The following COL11A1 variants were observed in gnomAD, a reference collection of about 807,000 sequenced individuals.
The protein encoded by COL11A1 is collagen type XI alpha 1 chain.
COL11A1 carries 74 observed loss-of-function variants against 265.2 expected under a neutral mutation model. That is an observed-to-expected ratio of 0.28 (90% CI 0.23 to 0.34). The LOEUF (loss-of-function observed/expected upper bound fraction) is 0.34. Ranked by LOEUF, COL11A1 falls within the 10% of genes least tolerant of loss-of-function variation. The pLI is 1.00. For missense variants in COL11A1, 2,165 were observed against 2,263.6 expected (o/e 0.96, Z 0.88); for synonymous variants, 816 against 727.6 (o/e 1.12, Z -1.96).
At chr1:102,891,513 GT>G in intron 57 of COL11A1, among the ~76,000 whole-genome samples, 1 of 151,824 alleles carries the variant, frequency 6.6e-6, no homozygotes, top group Non-Finnish European at 1.5e-5. Context: ...AACCAACTCT[GT>G]CCTGCCCCCC....
chr1:103,021,723 G>C lies in COL11A1; in HGVS notation c.1292C>G (p.Pro431Arg). The C allele has an allele frequency of 6.2e-7, 1 of 1,612,348 alleles. No individual in the cohort carries two copies. Among genetic ancestry groups the C allele is most frequent in the Non-Finnish European group, 8.5e-7 (1 of 1,178,542 alleles). Residue 431 changes from proline (P) to arginine (R), a missense_variant, in exon 9 of 67, where the codon CCA (proline) becomes CGA (arginine). Transcript: ENST00000370096. ...ACTACTTACAGGCTCAACCACTGCT[G>C]GTTCTCCTTTCTGTCCTTTCTCTCC... is the stretch of plus-strand genomic sequence containing the variant. ...AYGEKGQKGE[P>R]AVVEPGMLVE...
At chr1:103,012,664 T>C (rs1666225634) in intron 13 of COL11A1, among the ~76,000 whole-genome samples, 195 bp from the exon 14 acceptor site, 1 of 152,094 alleles carries the variant, frequency 6.6e-6, no homozygotes, top group South Asian at 2.1e-4. Context: ...ATCAGACATT[T>C]TAAAAACTTT....
chr1:102,951,342 TTAAA>T (rs1659852844), intron 41 of COL11A1, among the ~76,000 whole-genome samples: 2 of 152,194 alleles, frequency 1.3e-5, no homozygotes, highest in South Asian at 2.1e-4. Context: ...ACTGTATGCA[TTAAA>T]TAACTATAAT....
chr1:103,064,689 C>CA (rs35774967), intron 4 of COL11A1, among the ~76,000 whole-genome samples: 4,194 of 42,214 alleles, frequency 0.099, 95 homozygotes, highest in Middle Eastern at 0.24. Context: ...GACTCCATCT[C>CA]AAAAAAAAAA....
intron 46 of COL11A1, among the ~76,000 whole-genome samples, chr1:102,931,819 T>A (rs1014131655): frequency 4.6e-5 from 7 of 151,718 alleles, no homozygotes; most frequent in Admixed American, 3.3e-4. Context: ...GCTCTTCTTG[T>A]TGAATTGATC....
At chr1:102,986,860 G>C (rs935795124) in intron 30 of COL11A1, among the ~76,000 whole-genome samples, 33 of 151,938 alleles carry the variant, frequency 2.2e-4, no homozygotes, top group Admixed American at 2.0e-3. Flanking sequence ...AATTATCTGG[G>C]GATGTTTTAA....
intron 4 of COL11A1, among the ~76,000 whole-genome samples, chr1:103,047,931 C>A (rs1321867788): frequency 2.0e-5 from 3 of 152,160 alleles, no homozygotes; most frequent in Non-Finnish European, 2.9e-5. Flanking sequence ...GTTGAACAAG[C>A]CTTGCATCCC....
chr1:103,005,227 T>G (rs1665487532), intron 18 of COL11A1, among the ~76,000 whole-genome samples: 1 of 152,138 alleles, frequency 6.6e-6, no homozygotes. Context: ...GCTTATCTTA[T>G]TCTCATTATT....
At chr1:102,983,158 A>G (rs1663199672) in intron 31 of COL11A1, among the ~76,000 whole-genome samples, 1 of 152,108 alleles carries the variant, frequency 6.6e-6, no homozygotes, top group South Asian at 2.1e-4. Context: ...CATCCTTAAC[A>G]AAGTTTTATG....
chr1:103,023,797 C>T (rs961815423), intron 7 of COL11A1, among the ~76,000 whole-genome samples: 1 of 151,996 alleles, frequency 6.6e-6, no homozygotes, highest in Non-Finnish European at 1.5e-5. Context: ...TGTATCATTA[C>T]AATGATTATG....
intron 65 of COL11A1, among the ~76,000 whole-genome samples, chr1:102,880,445 C>A (rs1650090490): frequency 2.0e-5 from 3 of 152,088 alleles, no homozygotes; most frequent in Admixed American, 2.0e-4. Flanking sequence ...TTAATATTTT[C>A]AGAAATGCCT....
chr1:102,933,885 A>C (rs947682475), intron 46 of COL11A1, among the ~76,000 whole-genome samples: 2 of 152,150 alleles, frequency 1.3e-5, no homozygotes. Context: ...TCTTTGACTC[A>C]GAAAGGGAAC....
intron 1 of COL11A1, among the ~76,000 whole-genome samples, chr1:103,088,474 G>A (rs11164668): frequency 0.49 from 75,084 of 152,014 alleles, 21,727 homozygotes; most frequent in East Asian, 0.92. Flanking sequence ...GGTACATGAT[G>A]TAAGAATAAT....
chr1:103,000,445 AAG>A (rs1329252738), intron 24 of COL11A1, among the ~76,000 whole-genome samples: 3 of 151,946 alleles, frequency 2.0e-5, no homozygotes, highest in Non-Finnish European at 4.4e-5. Flanking sequence ...TATTAACCAA[AAG>A]AGTTTAACAG....
At chr1:102,982,936 G>T (rs903891110) in intron 31 of COL11A1, among the ~76,000 whole-genome samples, 1 of 151,884 alleles carries the variant, frequency 6.6e-6, no homozygotes, top group Non-Finnish European at 1.5e-5. Flanking sequence ...TGCCTGAATG[G>T]GTCAAACTCA....
chr1:103,037,138 A>C lies in COL11A1; in HGVS notation c.652-5894T>G, dbSNP rs1010379466. 2.7e-5 allele frequency among the ~76,000 whole-genome samples: 4 copies of C among 147,364 alleles called. No homozygotes were observed. The Admixed American group carries it at 2.7e-4, about 10-fold the overall frequency. On this transcript the variant is annotated intron_variant, in intron 4 of 66. Coordinates refer to ENST00000370096, the MANE Select transcript of COL11A1 (RefSeq NM_001854.4). ...TTTTTACTTTGGTTTGCATATATAT[A>C]ATTTTATATATATATATATAAAGTC...
intron 1 of COL11A1, among the ~76,000 whole-genome samples, chr1:103,099,844 T>C (rs1674102923): frequency 6.6e-6 from 1 of 151,858 alleles, no homozygotes; most frequent in East Asian, 1.9e-4. Context: ...TTATTTACTT[T>C]TAGCAAATGA....
At position 103,050,774 on chromosome 1, in the gene COL11A1, T is replaced by C. The variant is rs554914964; in HGVS notation, c.652-19530A>G. 2.0e-5 allele frequency among the ~76,000 whole-genome samples: 3 copies of C among 152,180 alleles called. No homozygotes were observed. The East Asian group carries it at 5.8e-4, about 30-fold the overall frequency. On this transcript the variant is annotated intron_variant, in intron 4 of 66. Transcript: ENST00000370096. The stretch of plus-strand genomic sequence containing the variant: ...TTGATGATGGTGACGTACAGATGGG[T>C]TTTTGGTGTGGATGTCCTTCCTGTT...
At chr1:103,101,732 GC>G (rs541322636) in intron 1 of COL11A1, among the ~76,000 whole-genome samples, 86 of 150,640 alleles carry the variant, frequency 5.7e-4, no homozygotes, top group Admixed American at 1.7e-3. Context: ...AGAAAGAAAT[GC>G]TTTTTAAGAA....
Sources: allele counts gnomAD v4.1 joint callset (sites outside exome capture counted in the v4.1 genomes callset), GRCh38; gene constraint gnomAD v4.1.1; transcripts MANE v1.5; gene names NCBI Gene and HGNC (gene_info 2026-07-23, HGNC 2026-07-21).